CTBP2: variants seen among roughly 807,000 people sequenced by gnomAD.
CTBP2 encodes the protein C-terminal binding protein 2.
In CTBP2, 30 loss-of-function variants were observed where a neutral mutation model predicts 80.3. The ratio of observed to expected loss-of-function variants is 0.37; its 90% CI spans 0.28 to 0.51. CTBP2 has a LOEUF of 0.51. Among genes scored for constraint, CTBP2 ranks in the 20% least tolerant of loss-of-function variants. CTBP2 has a pLI of 0.93. For synonymous variants in CTBP2, 594 were observed against 587.4 expected, an observed-to-expected ratio of 1.01 and a Z score of -0.16; for missense variants, 1,212 against 1,375.3, an observed-to-expected ratio of 0.88 and a Z score of 1.88.
At chr10:125,014,011 A>T (rs2134447434) in intron 1 of CTBP2, among the ~76,000 whole-genome samples, 1 of 152,250 alleles carries the variant, frequency 6.6e-6, no homozygotes. Flanking sequence ...GAGGCTTCTC[A>T]CGTGAGGCAT....
chr10:125,099,622 A>G (rs1152686), intron 2 of CTBP2, among the ~76,000 whole-genome samples: 37,925 of 152,182 alleles, frequency 0.25, 6,123 homozygotes, highest in African/African-American at 0.45. Context: ...AAAACCATCA[A>G]CAAGTTTGTA....
intron 2 of CTBP2, among the ~76,000 whole-genome samples, chr10:125,063,911 T>C (rs56262689): frequency 0.2 from 30,111 of 151,572 alleles, 3,184 homozygotes; most frequent in African/African-American, 0.26. Flanking sequence ...GGCACGGTTT[T>C]CCCCCACCCC....
upstream of CTBP2, chr10:125,161,068 G>GT (rs1554967127): frequency 7.2e-5 from 3 of 41,624 alleles, no homozygotes; most frequent in African/African-American, 4.5e-4. Context: ...TCCTGTTTTT[G>GT]GGGGGGGGGG....
At chr10:124,993,383 G>C (rs1312786579) in intron 6 of CTBP2, 54 bp from the exon 9 acceptor site, 1 of 1,569,310 alleles carries the variant, frequency 6.4e-7, no homozygotes, top group African/African-American at 1.3e-5. Context: ...TACGCTCCCT[G>C]CCCTCCTCAG....
chr10:125,012,365 G>T (rs939862347), intron 1 of CTBP2, among the ~76,000 whole-genome samples: 1 of 152,212 alleles, frequency 6.6e-6, no homozygotes, highest in African/African-American at 2.4e-5. Flanking sequence ...CTGCAGGGAC[G>T]GGTGGTCAGG....
intron 2 of CTBP2, among the ~76,000 whole-genome samples, chr10:125,092,918 G>T (rs548475182): frequency 6.6e-6 from 1 of 152,226 alleles, no homozygotes; most frequent in Admixed American, 6.5e-5. Context: ...CTAGAGTGGG[G>T]GGGGGCAGCA....
chr10:125,122,019 C>T (rs1227531265), intron 1 of CTBP2, among the ~76,000 whole-genome samples: 1 of 152,218 alleles, frequency 6.6e-6, no homozygotes, highest in Non-Finnish European at 1.5e-5. Flanking sequence ...ACCAAGAGAC[C>T]TTCCAGTCCT....
At chr10:125,002,704 C>A (rs1589989353) in intron 3 of CTBP2, among the ~76,000 whole-genome samples, 1 of 152,212 alleles carries the variant, frequency 6.6e-6, no homozygotes, top group Admixed American at 6.5e-5. Context: ...CCTGTGCCAG[C>A]TGGGTGTTGC....
chr10:125,136,710 C>A (rs1056806611), intron 1 of CTBP2, among the ~76,000 whole-genome samples: 1 of 152,230 alleles, frequency 6.6e-6, no homozygotes, highest in African/African-American at 2.4e-5. Context: ...CTATCTTCAA[C>A]ATGCACCTAC....
intron 1 of CTBP2, among the ~76,000 whole-genome samples, chr10:125,152,040 C>T (rs1475149446): frequency 6.6e-6 from 1 of 152,018 alleles, no homozygotes; most frequent in Non-Finnish European, 1.5e-5. Flanking sequence ...TCAGATACCG[C>T]GGCCCGCGGA....
chr10:125,104,926 C>T (rs1020455355), intron 2 of CTBP2, among the ~76,000 whole-genome samples: 1 of 152,282 alleles, frequency 6.6e-6, no homozygotes, highest in East Asian at 1.9e-4. Context: ...CCCGCCCCCA[C>T]CCCTGTGAAA....
At chr10:125,042,048 C>A (rs1959983760) in intron 2 of CTBP2, among the ~76,000 whole-genome samples, 1 of 152,016 alleles carries the variant, frequency 6.6e-6, no homozygotes. Context: ...AGGCCAGTGG[C>A]ACCGACCCAT....
rs1457006903 is a variant in CTBP2, at chr10:124,989,505, CT to C, written c.*12del. On this transcript the variant is annotated 3_prime_UTR_variant, in exon 9 of 9. Transcript: ENST00000309035. Reference sequence around the variant, plus strand: ...CCAAGTGTATCTGAGTGATTACCTTCTGGCATTCTCTGCTATTGCTCGTTGG... The same window carrying C: ...CCAAGTGTATCTGAGTGATTACCTTCGGCATTCTCTGCTATTGCTCGTTGG... 1 of 1,611,328 alleles carries C rather than the reference CT, an allele frequency of 6.2e-7. No individual in the cohort carries two copies. Among genetic ancestry groups the C allele is most frequent in the African/African-American group, 1.3e-5 (1 of 74,820 alleles).
chr10:125,057,276 GAAGT>G (rs1451143660), intron 2 of CTBP2, among the ~76,000 whole-genome samples: 2 of 152,256 alleles, frequency 1.3e-5, no homozygotes, highest in Non-Finnish European at 2.9e-5. Context: ...AGGTCAGCAG[GAAGT>G]GAGTGGGATT....
At chr10:125,148,831 T>C (rs1859286470) in intron 1 of CTBP2, among the ~76,000 whole-genome samples, 1 of 152,232 alleles carries the variant, frequency 6.6e-6, no homozygotes, top group African/African-American at 2.4e-5. Flanking sequence ...CTCCTGGCTT[T>C]TGTCACTTGA....
At chr10:125,118,434 G>A (rs1315457234) in intron 1 of CTBP2, among the ~76,000 whole-genome samples, 4 of 152,302 alleles carry the variant, frequency 2.6e-5, no homozygotes, top group Admixed American at 6.5e-5. Flanking sequence ...GCTGCTGATC[G>A]GGGCTGCCAT....
chr10:125,024,121 G>C (rs1957317067), intron 1 of CTBP2, among the ~76,000 whole-genome samples: 1 of 152,212 alleles, frequency 6.6e-6, no homozygotes, highest in African/African-American at 2.4e-5. Flanking sequence ...TTCCCTGCTG[G>C]CTCCGACAGA....
At chr10:125,144,670 T>G (rs1010173487) in intron 1 of CTBP2, among the ~76,000 whole-genome samples, 1 of 152,322 alleles carries the variant, frequency 6.6e-6, no homozygotes, top group Middle Eastern at 3.4e-3. Flanking sequence ...AGGTTAAGCA[T>G]ATTTGCCTGC....
At chr10:125,035,266 C>T (rs780851057) in intron 3 of CTBP2, among the ~76,000 whole-genome samples, 1 of 152,220 alleles carries the variant, frequency 6.6e-6, no homozygotes, top group Non-Finnish European at 1.5e-5. Flanking sequence ...ACCAGCTCAA[C>T]GTTCTCATTC....
Sources: allele counts gnomAD v4.1 joint callset (sites outside exome capture counted in the v4.1 genomes callset), GRCh38; gene constraint gnomAD v4.1.1; transcripts MANE v1.5; gene names NCBI Gene and HGNC (gene_info 2026-07-23, HGNC 2026-07-21).